Variants in C11orf65 observed in about 807,000 individuals in gnomAD.
C11orf65 encodes chromosome 11 open reading frame 65, also known as protein MFI.
C11orf65 carries 38 observed loss-of-function variants against 35.3 expected under a neutral mutation model. The observed-to-expected ratio is 1.08, with a 90% CI of 0.83 to 1.41. The LOEUF (loss-of-function observed/expected upper bound fraction) is 1.41, where lower values mean the gene tolerates loss of function less well. Among genes scored for constraint, C11orf65 ranks in the 40% most tolerant of loss-of-function variants. C11orf65 has a pLI of 0.00. For missense variants in C11orf65, 370 were observed against 367.1 expected (o/e 1.01, Z -0.06); for synonymous variants, 105 against 114.4 (o/e 0.92, Z 0.53).
chr11:108,411,231 G>A (rs1195468794), intron 3 of C11orf65, among the ~76,000 whole-genome samples: 1 of 151,766 alleles, frequency 6.6e-6, no homozygotes, highest in African/African-American at 2.4e-5. Context: ...TTAATCCATA[G>A]ATTATTTAAT....
chr11:108,426,579 T>C (rs1377450426), intron 3 of C11orf65, among the ~76,000 whole-genome samples: 2 of 152,110 alleles, frequency 1.3e-5, no homozygotes, highest in Admixed American at 6.6e-5. Flanking sequence ...CTGCCCAAAG[T>C]AATTTATAGA....
chr11:108,313,571 T>G (rs2084353089), intron 6 of C11orf65, among the ~76,000 whole-genome samples: 1 of 152,214 alleles, frequency 6.6e-6, no homozygotes. Context: ...TGTGTTCTGT[T>G]TACCTTTTTG....
At chr11:108,313,124 A>G (rs2084317481) in intron 6 of C11orf65, among the ~76,000 whole-genome samples, 1 of 152,112 alleles carries the variant, frequency 6.6e-6, no homozygotes, top group Non-Finnish European at 1.5e-5. Flanking sequence ...TCCTTTAATA[A>G]TCTTCCGTCA....
At chr11:108,455,709 G>A (rs963267781) in intron 2 of C11orf65, among the ~76,000 whole-genome samples, 6 of 151,460 alleles carry the variant, frequency 4.0e-5, no homozygotes, top group Non-Finnish European at 8.8e-5. Context: ...CCAGCTACTC[G>A]GGAGGCTGAG....
At chr11:108,434,813 C>T (rs1402315287) in intron 2 of C11orf65, among the ~76,000 whole-genome samples, 2 of 152,226 alleles carry the variant, frequency 1.3e-5, no homozygotes, top group Non-Finnish European at 2.9e-5. Flanking sequence ...GCTTTATTCT[C>T]TGTCATGGTA....
chr11:108,326,218 G>A lies in C11orf65; in HGVS notation c.641-17147C>T, dbSNP rs876660924. ...ATGATCAAGAAGTTGGATGCCAGCT[G>A]TGCAGCGGTTTGTTTTTTTTATTGG... On this transcript the variant is annotated intron_variant, in intron 6 of 6. Coordinates refer to the C11orf65 transcript ENST00000525729. 1 of 1,614,036 alleles carries A rather than the reference G, an allele frequency of 6.2e-7. No individual in the cohort carries two copies. The highest frequency in any genetic ancestry group is 2.2e-5 in the East Asian group (1 of 44,868).
At chr11:108,434,020 T>C (rs1032538436) in intron 2 of C11orf65, among the ~76,000 whole-genome samples, 2 of 152,088 alleles carry the variant, frequency 1.3e-5, no homozygotes, top group African/African-American at 2.4e-5. Flanking sequence ...TGCAGACTTC[T>C]CCAGATGGGC....
chr11:108,430,377 G>T (rs1281286812), intron 3 of C11orf65, among the ~76,000 whole-genome samples: 2 of 149,112 alleles, frequency 1.3e-5, no homozygotes, highest in African/African-American at 2.5e-5. Context: ...CTGACCTCGT[G>T]ATCCGCCCGC....
intron 6 of C11orf65, among the ~76,000 whole-genome samples, chr11:108,316,675 C>T (rs1424912632): frequency 2.7e-5 from 4 of 148,782 alleles, no homozygotes; most frequent in Admixed American, 6.8e-5. Flanking sequence ...TTTGGGAGGC[C>T]GAGGCGAGCA....
In C11orf65 at chr11:108,462,011, AT is replaced by A. The variant is rs143684639; in HGVS notation, c.-9-444del. ...GTATAAATAAAACAATTAAAATAAGATTTTGTATCAAAATAATAAAAATAAA... is the reference window on the plus strand; with the variant it reads ...GTATAAATAAAACAATTAAAATAAGATTTGTATCAAAATAATAAAAATAAA... On this transcript the variant is annotated intron_variant, in intron 1 of 8. Coordinates refer to ENST00000393084, the MANE Select transcript of C11orf65 (RefSeq NM_152587.5). Among the ~76,000 whole-genome samples, 19 of 152,342 alleles carry A rather than the reference AT, an allele frequency of 1.2e-4. No homozygotes were observed. In the East Asian group the frequency reaches 3.7e-3, roughly 29 times the overall value.
intron 3 of C11orf65, among the ~76,000 whole-genome samples, chr11:108,422,883 A>G (rs997741568): frequency 7.0e-6 from 1 of 142,672 alleles, no homozygotes; most frequent in Non-Finnish European, 1.6e-5. Flanking sequence ...CTCTGTCTCA[A>G]AAAAAAAAAA....
At position 108,461,483 on chromosome 11, in the gene C11orf65, A is replaced by G; in HGVS notation, c.77T>C (p.Phe26Ser). ...ARVIQQAWKS[F>S]LNVAIFQHFK... Reference sequence around the variant, plus strand: ...AAAACTTCTAAATAAACTCACAAGGAAACTTTTCCAGGCCTGCTGAATGAC... The same window carrying G: ...AAAACTTCTAAATAAACTCACAAGGGAACTTTTCCAGGCCTGCTGAATGAC... The change falls in exon 2 of 9, where the codon TTC (phenylalanine) becomes TCC (serine). Residue 26 changes from phenylalanine (F) to serine (S), a missense_variant. Phe to Ser is a radical substitution (Grantham distance 155). Transcript: ENST00000393084. The G allele has an allele frequency of 6.2e-7, 1 of 1,604,558 alleles. No homozygotes were observed. The highest frequency in any genetic ancestry group is 1.3e-5 in the African/African-American group (1 of 74,676).
chr11:108,396,181 C>T (rs1204917662), intron 6 of C11orf65, among the ~76,000 whole-genome samples: 2 of 152,102 alleles, frequency 1.3e-5, no homozygotes, highest in South Asian at 2.1e-4. Flanking sequence ...TAACCTCTGC[C>T]TCCTGGGTTC....
At chr11:108,460,726 TTTG>T (rs59315807) in intron 2 of C11orf65, among the ~76,000 whole-genome samples, 18 of 151,104 alleles carry the variant, frequency 1.2e-4, no homozygotes, top group Non-Finnish European at 1.5e-4. Flanking sequence ...AAAAGTCTGC[TTTG>T]TTGTTGTTGT....
At chr11:108,422,659 G>A (rs144183226) in intron 3 of C11orf65, among the ~76,000 whole-genome samples, 3,392 of 152,176 alleles carry the variant, frequency 0.022, 94 homozygotes, top group African/African-American at 0.07. Flanking sequence ...CAAGGTGGGC[G>A]GATCACGAGG....
At chr11:108,389,556 T>C (rs750324026) in intron 7 of C11orf65, among the ~76,000 whole-genome samples, 12 of 152,212 alleles carry the variant, frequency 7.9e-5, no homozygotes, top group Admixed American at 3.3e-4. Context: ...GCAAGGTATT[T>C]GCATTTTTTT....
chr11:108,439,857 G>A (rs897468532), intron 2 of C11orf65, among the ~76,000 whole-genome samples: 1 of 152,114 alleles, frequency 6.6e-6, no homozygotes, highest in African/African-American at 2.4e-5. Context: ...TGTTTGGGAT[G>A]ATGAAAAAGC....
Position 108,345,949 on chromosome 11 carries a change from T to C in C11orf65, c.227-10657A>G, listed in dbSNP as rs760795872. 5.0e-6 allele frequency: 8 copies of C among 1,609,322 alleles called. No homozygotes were observed. The South Asian group carries it at 8.8e-5, about 18-fold the overall frequency. On this transcript the variant is annotated intron_variant, in intron 2 of 3. Coordinates refer to the C11orf65 transcript ENST00000524755. ...ATATAGTAGATTGAGCACTTTGTTG[T>C]TTGGCAGGTTTTATTTTTGTTTGAT...
At chr11:108,334,861 G>A (rs905136083) in intron 3 of C11orf65, 33 of 1,334,066 alleles carry the variant, frequency 2.5e-5, no homozygotes, top group Admixed American at 1.5e-4. Flanking sequence ...CTATCACATC[G>A]TCATTTGTTT....
Sources: gnomAD v4.1 joint callset for allele counts (sites outside exome capture counted in the v4.1 genomes callset) on GRCh38, gnomAD v4.1.1 for gene constraint, MANE v1.5 for transcripts, NCBI Gene and HGNC (gene_info 2026-07-23, HGNC 2026-07-21) for gene names.